The following ARHGAP32 variants were observed in gnomAD, a reference collection of about 807,000 sequenced individuals.
ARHGAP32 encodes Rho GTPase activating protein 32, also known as rho GTPase-activating protein 32.
A neutral mutation model predicts 186.5 loss-of-function variants in ARHGAP32; 51 were observed. The observed-to-expected ratio is 0.27, with a 90% CI of 0.22 to 0.35. The LOEUF (loss-of-function observed/expected upper bound fraction) is 0.35, where lower values mean the gene tolerates loss of function less well. Among genes scored for constraint, ARHGAP32 ranks in the 10% least tolerant of loss-of-function variants. The probability of loss-of-function intolerance (pLI) is 1.00; values close to 1 mark genes in which losing one functional copy is unlikely to be tolerated. For synonymous variants in ARHGAP32, 950 were observed against 964.3 expected, an observed-to-expected ratio of 0.99 and a Z score of 0.27; for missense variants, 2,186 against 2,623.5, an observed-to-expected ratio of 0.83 and a Z score of 3.64.
intron 1 of ARHGAP32, among the ~76,000 whole-genome samples, chr11:129,187,574 T>C (rs1037750933): frequency 8.6e-5 from 13 of 151,438 alleles, no homozygotes; most frequent in East Asian, 1.9e-4. Context: ...GGGATGGATA[T>C]CCCATCATGA....
At chr11:129,168,922 CAT>C (rs1479898570) in intron 1 of ARHGAP32, among the ~76,000 whole-genome samples, 7 of 151,816 alleles carry the variant, frequency 4.6e-5, no homozygotes, top group Non-Finnish European at 8.8e-5. Flanking sequence ...ATAAATCAAA[CAT>C]AAAAATCACA....
intron 1 of ARHGAP32, among the ~76,000 whole-genome samples, chr11:129,216,311 G>A (rs1019000590): frequency 6.6e-6 from 1 of 152,024 alleles, no homozygotes; most frequent in African/African-American, 2.4e-5. Flanking sequence ...TGTTCTCTTT[G>A]AAAAATATAT....
intron 1 of ARHGAP32, among the ~76,000 whole-genome samples, chr11:129,184,439 T>C (rs1007034862): frequency 1.3e-5 from 2 of 152,144 alleles, no homozygotes; most frequent in African/African-American, 2.4e-5. Flanking sequence ...ATACCTTGTG[T>C]GTATGTATCT....
At chr11:129,008,377 G>C (rs374949929) in intron 11 of ARHGAP32, among the ~76,000 whole-genome samples, 2 of 152,136 alleles carry the variant, frequency 1.3e-5, no homozygotes, top group East Asian at 3.9e-4. Context: ...GACTCCTGAG[G>C]GAACCTTGTG....
chr11:129,156,919 G>A (rs1397654483), intron 2 of ARHGAP32, among the ~76,000 whole-genome samples: 1 of 152,166 alleles, frequency 6.6e-6, no homozygotes, highest in Non-Finnish European at 1.5e-5. Flanking sequence ...GTCTCTGCTG[G>A]TGATACCCAG....
chr11:129,269,271 G>A (rs1391156216), intron 1 of ARHGAP32, among the ~76,000 whole-genome samples: 1 of 151,546 alleles, frequency 6.6e-6, no homozygotes, highest in Non-Finnish European at 1.5e-5. Context: ...GCCCTCTCTC[G>A]AAAAATAAAT....
intron 1 of ARHGAP32, among the ~76,000 whole-genome samples, chr11:129,238,886 G>A (rs1045544141): frequency 6.6e-6 from 1 of 151,956 alleles, no homozygotes; most frequent in African/African-American, 2.4e-5. Context: ...CCAGGCTGGG[G>A]TGCAGTGGTG....
chr11:129,034,283 T>C (rs376519397), intron 11 of ARHGAP32, among the ~76,000 whole-genome samples: 5 of 152,330 alleles, frequency 3.3e-5, no homozygotes, highest in African/African-American at 7.2e-5. Context: ...TTCATCACCT[T>C]ATCACAATAA....
chr11:129,199,729 A>C (rs972927783), intron 1 of ARHGAP32, among the ~76,000 whole-genome samples: 1 of 152,200 alleles, frequency 6.6e-6, no homozygotes, highest in East Asian at 1.9e-4. Context: ...GCCCCCACAC[A>C]GAGCCCCCAC....
At chr11:129,129,462 GC>G (rs1942758419) in intron 2 of ARHGAP32, among the ~76,000 whole-genome samples, 1 of 144,212 alleles carries the variant, frequency 6.9e-6, no homozygotes, top group African/African-American at 2.6e-5. Context: ...GAGGTGGGGG[GC>G]GCCTCTGCCC....
chr11:129,184,447 T>A (rs987207846), intron 1 of ARHGAP32, among the ~76,000 whole-genome samples: 3 of 152,136 alleles, frequency 2.0e-5, no homozygotes, highest in Non-Finnish European at 4.4e-5. Flanking sequence ...TGTGTATGTA[T>A]CTATACGTGA....
At chr11:129,048,124 T>G (rs1456603712) in intron 10 of ARHGAP32, among the ~76,000 whole-genome samples, 1 of 151,988 alleles carries the variant, frequency 6.6e-6, no homozygotes, top group Non-Finnish European at 1.5e-5. Context: ...TGCTTCTGGT[T>G]TCTTTGCCTT....
At chr11:129,025,147 A>C (rs148228371) in intron 11 of ARHGAP32, among the ~76,000 whole-genome samples, 5 of 152,276 alleles carry the variant, frequency 3.3e-5, no homozygotes, top group African/African-American at 1.2e-4. Context: ...TATTTATCCT[A>C]ATCTAATGAA....
intron 1 of ARHGAP32, among the ~76,000 whole-genome samples, chr11:129,277,215 C>T (rs12273685): frequency 0.31 from 46,860 of 151,656 alleles, 7,580 homozygotes; most frequent in Middle Eastern, 0.4. Context: ...ATAAAAACAT[C>T]GTTTATATAG....
At chr11:129,171,209 A>G (rs1434274983) in intron 1 of ARHGAP32, among the ~76,000 whole-genome samples, 1 of 152,130 alleles carries the variant, frequency 6.6e-6, no homozygotes, top group African/African-American at 2.4e-5. Flanking sequence ...CTCTTATTGC[A>G]ATTGCTTTTG....
intron 12 of ARHGAP32, among the ~76,000 whole-genome samples, chr11:128,988,846 A>AT (rs1945955458): frequency 6.6e-6 from 1 of 152,218 alleles, no homozygotes. Context: ...ATAAAACAGA[A>AT]TTTTCAAAAT....
At chr11:129,143,469 C>T (rs182353331) in intron 2 of ARHGAP32, among the ~76,000 whole-genome samples, 850 of 152,176 alleles carry the variant, frequency 5.6e-3, no homozygotes, top group Non-Finnish European at 8.6e-3. Flanking sequence ...CACTCCGTCC[C>T]GCCTGGAACA....
At chr11:129,138,143 T>C (rs1474352773) in intron 2 of ARHGAP32, among the ~76,000 whole-genome samples, 1 of 151,896 alleles carries the variant, frequency 6.6e-6, no homozygotes, top group African/African-American at 2.4e-5. Flanking sequence ...AGTTTATCAA[T>C]AATAAAAACT....
intron 6 of ARHGAP32, among the ~76,000 whole-genome samples, chr11:129,090,959 T>C (rs1419125831): frequency 6.6e-6 from 1 of 152,136 alleles, no homozygotes; most frequent in Non-Finnish European, 1.5e-5. Flanking sequence ...AGGTTCCTCA[T>C]CCACAGTAGC....
Sources: gnomAD v4.1 joint callset for allele counts (sites outside exome capture counted in the v4.1 genomes callset) on GRCh38, gnomAD v4.1.1 for gene constraint, MANE v1.5 for transcripts, NCBI Gene and HGNC (gene_info 2026-07-23, HGNC 2026-07-21) for gene names.